STAMBP: variants seen among roughly 807,000 people sequenced by gnomAD.
STAMBP encodes the protein STAM-binding protein.
A neutral mutation model predicts 50.7 loss-of-function variants in STAMBP; 31 were observed. That is an observed-to-expected ratio of 0.61 (90% CI 0.46 to 0.83). The LOEUF is 0.83. Ranked by LOEUF, STAMBP falls within the 40% of genes least tolerant of loss-of-function variation. The pLI is 0.00. For synonymous variants in STAMBP, 211 were observed against 192.4 expected (o/e 1.10, Z -0.80); for missense variants, 472 against 518.9 (o/e 0.91, Z 0.88).
At position 73,831,051 on chromosome 2, in the gene STAMBP, G is replaced by A. The variant is rs770161027; in HGVS notation, c.195G>A (p.Lys65=). Reference sequence around the variant, plus strand: ...AACATGCCTTCATCCTCTATAACAAGTATATCACGTAAGACACCTACAGTT... The same window carrying A: ...AACATGCCTTCATCCTCTATAACAAATATATCACGTAAGACACCTACAGTT... ...NIEHAFILYN[K]YITLFIEKLP... Residue 65 remains lysine (K), a synonymous_variant, in exon 2 of 10, where the codon AAG becomes AAA. Coordinates refer to ENST00000394070, the MANE Select transcript of STAMBP (RefSeq NM_213622.4). 3 of 1,613,976 alleles carry A rather than the reference G, an allele frequency of 1.9e-6. No individual in the cohort carries two copies. Among genetic ancestry groups the A allele is most frequent in the Non-Finnish European group, 2.5e-6 (3 of 1,179,802 alleles).
In STAMBP at chr2:73,846,625, GA is replaced by G. The variant is rs71406838; in HGVS notation, c.376-748del. 6.9e-4 allele frequency among the ~76,000 whole-genome samples: 96 copies of G among 139,042 alleles called. 1 individual carries two copies. Among genetic ancestry groups the G allele is most frequent in the South Asian group, 9.1e-4 (4 of 4,408 alleles). 91.2% of individuals were successfully genotyped at this position (139,042 alleles called of 152,430 possible). On this transcript the variant is annotated intron_variant, in intron 4 of 9. Coordinates refer to ENST00000394070, the MANE Select transcript of STAMBP (RefSeq NM_213622.4). ...TAGGTGACAGAGTGAGACTCTCTAA[GA>G]AAAAAAAAAAAAATTCAGTAGAGAC...
At chr2:73,868,080 C>T (rs145951502), downstream of STAMBP, among the ~76,000 whole-genome samples, 33 of 150,696 alleles carry the variant, frequency 2.2e-4, no homozygotes, top group Admixed American at 6.0e-4. Context: ...GCCGAGATCA[C>T]GCCATTGCGC....
chr2:73,857,508 A>G (rs1052739278), intron 7 of STAMBP, among the ~76,000 whole-genome samples: 30 of 152,054 alleles, frequency 2.0e-4, no homozygotes, highest in Admixed American at 1.8e-3. Flanking sequence ...CTTCGTCCAC[A>G]GTTTACTTTT....
intron 7 of STAMBP, among the ~76,000 whole-genome samples, chr2:73,854,960 G>A (rs1677356136): frequency 6.6e-6 from 1 of 152,222 alleles, no homozygotes; most frequent in African/African-American, 2.4e-5. Flanking sequence ...CTGCACTCCA[G>A]CCTGGGCACC....
At position 73,866,864 on chromosome 2, in the gene STAMBP, C is replaced by A. The variant is rs757681193; in HGVS notation, c.*4605C>A. On this transcript the variant is annotated 3_prime_UTR_variant, in exon 10 of 10. Coordinates refer to ENST00000394070, the MANE Select transcript of STAMBP (RefSeq NM_213622.4). Reference sequence around the variant, plus strand: ...AGGGGAGGGAGATCAGTGGTGCCAACTGGCTCAGAAGAGGTTTGCTGGGTT... The same window carrying A: ...AGGGGAGGGAGATCAGTGGTGCCAAATGGCTCAGAAGAGGTTTGCTGGGTT... The A allele has an allele frequency of 2.0e-5, 3 of 152,264 alleles. No homozygotes were observed. The highest frequency in any genetic ancestry group is 1.5e-5 in the Non-Finnish European group (1 of 68,074). The allele number at this position is 152,264 out of a possible 1,614,324, so 9.4% of individuals were successfully genotyped here.
At chr2:73,846,275 C>T (rs1045201559) in intron 4 of STAMBP, among the ~76,000 whole-genome samples, 1 of 151,298 alleles carries the variant, frequency 6.6e-6, no homozygotes, top group Non-Finnish European at 1.5e-5. Flanking sequence ...GCACAAAAAC[C>T]ATAAAAATTT....
At position 73,834,234 on chromosome 2, in the gene STAMBP, AAAATATATATATATATATATATATAT is replaced by A. The variant is rs1674400432; in HGVS notation, c.203+3177_203+3202del. ...TAAAAAAAAAAAAAAAAAAAAAAAA[AAAATATATATATATATATATATATAT>A]ATATATATATATATATATATATATA... On this transcript the variant is annotated intron_variant, in intron 2 of 9. Coordinates refer to ENST00000394070, the MANE Select transcript of STAMBP (RefSeq NM_213622.4). 1.2e-4 allele frequency among the ~76,000 whole-genome samples: 2 copies of A among 16,762 alleles called. 1 individual carries two copies. The highest frequency in any genetic ancestry group is 1.9e-4 in the Non-Finnish European group (2 of 10,512). The allele number at this position is 16,762 out of a possible 152,430, so 11.0% of individuals were successfully genotyped here. A position where few individuals can be genotyped will look rare whatever the true frequency, so the allele number is the denominator to read the frequency against.
chr2:73,842,946 A>G (rs1469935133), intron 2 of STAMBP, among the ~76,000 whole-genome samples: 1 of 152,208 alleles, frequency 6.6e-6, no homozygotes, highest in Non-Finnish European at 1.5e-5. Context: ...TATATGACAT[A>G]GTACTTTCTT....
chr2:73,858,071 C>T (rs2104658756), intron 7 of STAMBP, among the ~76,000 whole-genome samples: 1 of 152,024 alleles, frequency 6.6e-6, no homozygotes, highest in Admixed American at 6.5e-5. Flanking sequence ...CAAGCTCCAC[C>T]TCCCGGGTTC....
At chr2:73,869,768 A>T (rs1429262862), downstream of STAMBP, among the ~76,000 whole-genome samples, 1 of 152,172 alleles carries the variant, frequency 6.6e-6, no homozygotes, top group South Asian at 2.1e-4. Flanking sequence ...ATAAACCTAT[A>T]AGTTAAAGTA....
intron 2 of STAMBP, among the ~76,000 whole-genome samples, chr2:73,837,634 T>C (rs1227678554): frequency 8.5e-6 from 1 of 118,306 alleles, no homozygotes; most frequent in African/African-American, 3.1e-5. Flanking sequence ...TACAGAAGAA[T>C]ATATCACAAT....
At chr2:73,836,754 T>C (rs1329122268) in intron 2 of STAMBP, among the ~76,000 whole-genome samples, 2 of 152,220 alleles carry the variant, frequency 1.3e-5, no homozygotes, top group African/African-American at 4.8e-5. Flanking sequence ...AGCCCAGCTC[T>C]TAGGCCCTGC....
chr2:73,864,241 C>T lies in STAMBP; in HGVS notation c.*1982C>T, dbSNP rs1382612771. The stretch of plus-strand genomic sequence containing the variant: ...TGTGAGCTCTCTTATCCGTCTCTGC[C>T]CACCAAAGACATTCAGCCAGGTCAA... On this transcript the variant is annotated 3_prime_UTR_variant, in exon 10 of 10. Coordinates refer to ENST00000394070, the MANE Select transcript of STAMBP (RefSeq NM_213622.4). 1.3e-5 allele frequency: 2 copies of T among 152,174 alleles called. No individual in the cohort carries two copies. Among genetic ancestry groups the T allele is most frequent in the Non-Finnish European group, 2.9e-5 (2 of 68,030 alleles). The allele number at this position is 152,174 out of a possible 1,614,324, so 9.4% of individuals were successfully genotyped here. A position where few individuals can be genotyped will look rare whatever the true frequency, so the allele number is the denominator to read the frequency against.
rs759577053 is a variant in STAMBP, at chr2:73,862,221, G to A, written c.1237G>A (p.Val413Ile). The A allele has an allele frequency of 3.7e-6, 6 of 1,610,446 alleles. No homozygotes were observed. The highest frequency in any genetic ancestry group is 4.2e-6 in the Non-Finnish European group (5 of 1,178,892). Residue 413 changes from valine (V) to isoleucine (I), a missense_variant, in exon 10 of 10, where the codon GTT becomes ATT. Transcript: ENST00000394070. Reference sequence around the variant, plus strand: ...ATTGCAGAGCTGCAGCCACGTGACTGTTGTGGACAGAGCAGTGACCATCAC... The same window carrying A: ...ATTGCAGAGCTGCAGCCACGTGACTATTGTGGACAGAGCAGTGACCATCAC... Reference protein sequence around the residue: ...PLFCSCSHVTVVDRAVTITDL... With the variant: ...PLFCSCSHVTIVDRAVTITDL...
rs1442949775 is a variant in STAMBP, at chr2:73,859,702, A to AAAT, written c.1118+337_1118+338insATA. Among the ~76,000 whole-genome samples, 741 of 139,218 alleles carry AAAT rather than the reference A, an allele frequency of 5.3e-3. 5 individuals carry two copies. The highest frequency in any genetic ancestry group is 0.02 in the African/African-American group (695 of 34,498). 91.3% of individuals were successfully genotyped at this position (139,218 alleles called of 152,430 possible). On this transcript the variant is annotated intron_variant, in intron 8 of 9. Coordinates refer to ENST00000394070, the MANE Select transcript of STAMBP (RefSeq NM_213622.4). ...AAATATAAAAAAATAAAAAATAAAA[A>AAAT]ATAAAAAAATATAATAAAAAAATAA...
At chr2:73,858,484 A>C (rs974905546) in intron 7 of STAMBP, among the ~76,000 whole-genome samples, 1 of 152,014 alleles carries the variant, frequency 6.6e-6, no homozygotes, top group Non-Finnish European at 1.5e-5. Flanking sequence ...ACAATAGTCT[A>C]TATGTTTTGA....
chr2:73,844,416 T>C (rs894969013), intron 2 of STAMBP, among the ~76,000 whole-genome samples: 1 of 152,246 alleles, frequency 6.6e-6, no homozygotes, highest in Non-Finnish European at 1.5e-5. Flanking sequence ...TTTCTCTTGC[T>C]TCCTGCCCAT....
intron 9 of STAMBP, chr2:73,860,606 T>C (rs1346879997): frequency 1.0e-6 from 1 of 975,698 alleles, no homozygotes; most frequent in Non-Finnish European, 1.2e-6. Flanking sequence ...TAAGTATATT[T>C]GTAGAATTTT....
In STAMBP at chr2:73,862,449, G is replaced by A; in HGVS notation, c.*190G>A. ...CTGAACATATTTTTTAGGCAAGTCAGAAAGAGAACATGGTCACCCAAAAGC... is the reference window on the plus strand; with the variant it reads ...CTGAACATATTTTTTAGGCAAGTCAAAAAGAGAACATGGTCACCCAAAAGC... On this transcript the variant is annotated 3_prime_UTR_variant, in exon 10 of 10. Coordinates refer to ENST00000394070, the MANE Select transcript of STAMBP (RefSeq NM_213622.4). 7.1e-6 allele frequency: 3 copies of A among 420,734 alleles called. 1 individual carries two copies. The highest frequency in any genetic ancestry group is 1.3e-5 in the Non-Finnish European group (3 of 236,354). 26.1% of individuals were successfully genotyped at this position (420,734 alleles called of 1,614,324 possible). A position where few individuals can be genotyped will look rare whatever the true frequency, so the allele number is the denominator to read the frequency against.
Sources: gnomAD v4.1 joint callset for allele counts (sites outside exome capture counted in the v4.1 genomes callset) on GRCh38, gnomAD v4.1.1 for gene constraint, MANE v1.5 for transcripts, NCBI Gene and HGNC (gene_info 2026-07-23, HGNC 2026-07-21) for gene names.